The following ARID2 variants were observed in gnomAD, a reference collection of about 807,000 sequenced individuals.
ARID2 encodes AT-rich interactive domain-containing protein 2.
ARID2 carries 32 observed loss-of-function variants against 184.6 expected under a neutral mutation model. That is an observed-to-expected ratio of 0.17 (90% CI 0.13 to 0.23). The LOEUF (loss-of-function observed/expected upper bound fraction) is 0.23, where lower values mean the gene tolerates loss of function less well. Among genes scored for constraint, ARID2 ranks in the 10% least tolerant of loss-of-function variants. The probability of loss-of-function intolerance (pLI) is 1.00; values close to 1 mark genes in which losing one functional copy is unlikely to be tolerated. For missense variants in ARID2, 1,696 were observed against 2,197.6 expected (o/e 0.77, Z 4.56); for synonymous variants, 836 against 772.6 (o/e 1.08, Z -1.36).
intron 20 of ARID2, among the ~76,000 whole-genome samples, chr12:45,898,921 T>C (rs1211575164): frequency 1.3e-5 from 2 of 151,726 alleles, no homozygotes; most frequent in East Asian, 3.9e-4. Context: ...CTCAAATAAA[T>C]AAATAGATTG....
chr12:45,745,048 A>T (rs1476971594), intron 3 of ARID2, among the ~76,000 whole-genome samples: 1 of 152,122 alleles, frequency 6.6e-6, no homozygotes, highest in East Asian at 1.9e-4. Context: ...CTGTTTGGTG[A>T]TTTATTGATC....
At chr12:45,742,317 T>A (rs1941275799) in intron 3 of ARID2, among the ~76,000 whole-genome samples, 1 of 152,268 alleles carries the variant, frequency 6.6e-6, no homozygotes, top group African/African-American at 2.4e-5. Context: ...TAGCATTGTA[T>A]TATACTTGCT....
intron 15 of ARID2, among the ~76,000 whole-genome samples, chr12:45,858,299 T>G (rs972921520): frequency 6.6e-6 from 1 of 152,076 alleles, no homozygotes; most frequent in Non-Finnish European, 1.5e-5. Context: ...AGTTCAAGGC[T>G]GCAGTGAACT....
intron 3 of ARID2, among the ~76,000 whole-genome samples, chr12:45,794,708 AC>A (rs778701970): frequency 1.1e-4 from 17 of 152,082 alleles, no homozygotes; most frequent in Non-Finnish European, 2.4e-4. Context: ...TGGTTAAACA[AC>A]CCTAGCTTCC....
intron 3 of ARID2, among the ~76,000 whole-genome samples, chr12:45,800,597 T>C (rs1213388481): frequency 1.3e-5 from 2 of 152,146 alleles, no homozygotes; most frequent in African/African-American, 2.4e-5. Flanking sequence ...TCTTTAAGCA[T>C]TGAGCACACC....
At chr12:45,805,155 A>G (rs1942577855) in intron 3 of ARID2, among the ~76,000 whole-genome samples, 2 of 152,008 alleles carry the variant, frequency 1.3e-5, no homozygotes, top group African/African-American at 4.8e-5. Flanking sequence ...GCTGCATGAT[A>G]GGATAGTCTT....
intron 3 of ARID2, among the ~76,000 whole-genome samples, chr12:45,768,351 G>A (rs565394158): frequency 6.6e-6 from 1 of 152,204 alleles, no homozygotes; most frequent in East Asian, 1.9e-4. Flanking sequence ...AGTCACCCAT[G>A]CCCCAGCTTG....
At chr12:45,730,019 G>C (rs113071787) in intron 1 of ARID2, 25 bp from the exon 2 acceptor site, 2 of 1,611,972 alleles carry the variant, frequency 1.2e-6, no homozygotes, top group Non-Finnish European at 8.5e-7. Flanking sequence ...CGGCTGACAA[G>C]TGCGGGGCTT....
chr12:45,813,909 C>T (rs1942758151), intron 4 of ARID2, among the ~76,000 whole-genome samples: 1 of 152,140 alleles, frequency 6.6e-6, no homozygotes, highest in Admixed American at 6.5e-5. Context: ...ACATTACATA[C>T]CTAATACTTC....
At chr12:45,801,868 T>C (rs1942508993) in intron 3 of ARID2, among the ~76,000 whole-genome samples, 1 of 152,164 alleles carries the variant, frequency 6.6e-6, no homozygotes, top group South Asian at 2.1e-4. Context: ...ACAATTGGTG[T>C]ATCTGGATCT....
chr12:45,794,395 A>T (rs1942349899), intron 3 of ARID2, among the ~76,000 whole-genome samples: 1 of 152,230 alleles, frequency 6.6e-6, no homozygotes, highest in South Asian at 2.1e-4. Flanking sequence ...TCTTGCATAA[A>T]TGACCTACAT....
intron 3 of ARID2, among the ~76,000 whole-genome samples, chr12:45,753,132 G>T (rs969488035): frequency 6.6e-6 from 1 of 151,702 alleles, no homozygotes; most frequent in African/African-American, 2.4e-5. Context: ...GTGTGGTGGC[G>T]CATGCCTGTA....
At chr12:45,888,813 A>C (rs1015584565) in intron 16 of ARID2, among the ~76,000 whole-genome samples, 1 of 152,204 alleles carries the variant, frequency 6.6e-6, no homozygotes, top group Non-Finnish European at 1.5e-5. Context: ...GTTACATTGT[A>C]TGTGCCATAT....
chr12:45,831,042 CAAA>C (rs768114802), intron 6 of ARID2, among the ~76,000 whole-genome samples: 4 of 81,582 alleles, frequency 4.9e-5, no homozygotes, highest in Non-Finnish European at 8.0e-5. Context: ...GAGACTCTGT[CAAA>C]AAAAAAAAAA....
At chr12:45,843,064 C>T (rs1943381394) in intron 11 of ARID2, among the ~76,000 whole-genome samples, 1 of 151,880 alleles carries the variant, frequency 6.6e-6, no homozygotes, top group Non-Finnish European at 1.5e-5. Flanking sequence ...AACTTGAGTT[C>T]TCCTTTGTTT....
chr12:45,747,673 G>A (rs1275134201), intron 3 of ARID2, among the ~76,000 whole-genome samples: 9 of 152,070 alleles, frequency 5.9e-5, no homozygotes, highest in Admixed American at 4.6e-4. Flanking sequence ...CATTTCATTC[G>A]TCTGTCCCTA....
intron 3 of ARID2, among the ~76,000 whole-genome samples, chr12:45,768,291 G>C (rs1941808541): frequency 6.6e-6 from 1 of 151,932 alleles, no homozygotes; most frequent in Non-Finnish European, 1.5e-5. Context: ...TCTTACTCAT[G>C]GTACAGAGGC....
Position 45,729,721 on chromosome 12 carries a change from A to G in ARID2, c.-116A>G. 1 of 976,290 alleles carries G rather than the reference A, an allele frequency of 1.0e-6. No individual in the cohort carries two copies. Among genetic ancestry groups the G allele is most frequent in the Non-Finnish European group, 1.5e-6 (1 of 683,690 alleles). The allele number at this position is 976,290 out of a possible 1,614,324, so 60.5% of individuals were successfully genotyped here. On this transcript the variant is annotated 5_prime_UTR_variant, in exon 1 of 21. Transcript: ENST00000334344. ...CGCCGCCACCGCCGGCCCATGACTG[A>G]GCCCCGCCGCCGCCGGCCGAGGAAT... is the stretch of plus-strand genomic sequence containing the variant.
At chr12:45,761,124 A>G (rs778948790) in intron 3 of ARID2, among the ~76,000 whole-genome samples, 3 of 152,128 alleles carry the variant, frequency 2.0e-5, no homozygotes, top group African/African-American at 4.8e-5. Context: ...TAGCTCTGCC[A>G]TTTTATATCA....
Sources: allele counts gnomAD v4.1 joint callset (sites outside exome capture counted in the v4.1 genomes callset), GRCh38; gene constraint gnomAD v4.1.1; transcripts MANE v1.5; gene names NCBI Gene and HGNC (gene_info 2026-07-23, HGNC 2026-07-21).